EPS8: variants seen among roughly 807,000 people sequenced by gnomAD.
The protein encoded by EPS8 is epidermal growth factor receptor kinase substrate 8.
A neutral mutation model predicts 103.8 loss-of-function variants in EPS8; 42 were observed. That is an observed-to-expected ratio of 0.40 (90% CI 0.32 to 0.52). The LOEUF is 0.52. EPS8 is among the 20% of genes least tolerant of loss of function. The pLI is 0.40. For synonymous variants in EPS8, 344 were observed against 344.6 expected (o/e 1.00, Z 0.02); for missense variants, 969 against 1,005.1 (o/e 0.96, Z 0.49).
chr12:15,699,427 G>C (rs1021379399), intron 1 of EPS8, among the ~76,000 whole-genome samples: 3 of 152,132 alleles, frequency 2.0e-5, no homozygotes, highest in Non-Finnish European at 2.9e-5. Flanking sequence ...ATATGCAAAA[G>C]CACACACAGA....
At chr12:15,625,877 G>T (rs994093988) in intron 18 of EPS8, among the ~76,000 whole-genome samples, 1 of 152,104 alleles carries the variant, frequency 6.6e-6, no homozygotes, top group African/African-American at 2.4e-5. Flanking sequence ...AAAGATGATG[G>T]TTACCAAATT....
intron 17 of EPS8, among the ~76,000 whole-genome samples, chr12:15,631,925 A>T (rs1157306691): frequency 6.6e-6 from 1 of 152,208 alleles, no homozygotes; most frequent in African/African-American, 2.4e-5. Context: ...ATAGTAATAA[A>T]TGTCAAGAAA....
chr12:15,643,998 G>GA (rs1272435148), intron 15 of EPS8, among the ~76,000 whole-genome samples: 1 of 152,212 alleles, frequency 6.6e-6, no homozygotes, highest in Non-Finnish European at 1.5e-5. Context: ...ACAGAACAGT[G>GA]AATATACTTC....
chr12:15,736,407 T>C lies in EPS8; in HGVS notation c.-22+52754A>G, dbSNP rs573073836. Among the ~76,000 whole-genome samples the C allele has an allele frequency of 2.0e-4, 30 of 152,218 alleles. No individual in the cohort carries two copies. Among genetic ancestry groups the C allele is most frequent in the African/African-American group, 7.2e-4 (30 of 41,542 alleles). ...GTACAGAGGTTAATATAATAAAAAA[T>C]CACTTGCCTGGAGGCCACACATATA... is the stretch of plus-strand genomic sequence containing the variant. On this transcript the variant is annotated intron_variant, in intron 1 of 20. Transcript: ENST00000281172. The surrounding 1 kb of genome is among the most constrained non-coding windows in gnomAD (Gnocchi z 4.2).
intron 1 of EPS8, among the ~76,000 whole-genome samples, chr12:15,732,554 C>T (rs914087389): frequency 1.3e-5 from 2 of 152,172 alleles, no homozygotes; most frequent in Admixed American, 6.5e-5. Flanking sequence ...CTATGAAGCC[C>T]GGCCTATCTG....
At chr12:15,715,939 A>C (rs2135968211) in intron 1 of EPS8, among the ~76,000 whole-genome samples, 1 of 152,278 alleles carries the variant, frequency 6.6e-6, no homozygotes, top group South Asian at 2.1e-4. Context: ...AGAGGATAAT[A>C]ATATTAAGTC....
At chr12:15,677,986 A>G (rs534654558) in intron 3 of EPS8, among the ~76,000 whole-genome samples, 4 of 152,166 alleles carry the variant, frequency 2.6e-5, no homozygotes, top group Non-Finnish European at 5.9e-5. Flanking sequence ...CCTTACCTTT[A>G]CACCAAATCA....
At position 15,620,794 on chromosome 12, in the gene EPS8, ATT is replaced by A. The variant is rs376149089; in HGVS notation, c.*521_*522del. The A allele has an allele frequency of 1.3e-5, 2 of 151,984 alleles. No homozygotes were observed. Among genetic ancestry groups the A allele is most frequent in the Non-Finnish European group, 2.9e-5 (2 of 68,022 alleles). 9.4% of individuals were successfully genotyped at this position (151,984 alleles called of 1,614,324 possible). ...CTTTACAGTTCATTCAAATGTTTTA[ATT>A]TTTTTTTAAACTGTTGGCATTAAGA... On this transcript the variant is annotated 3_prime_UTR_variant, in exon 21 of 21. Coordinates refer to ENST00000281172, the MANE Select transcript of EPS8 (RefSeq NM_004447.6).
intron 4 of EPS8, 133 bp downstream of exon 4, chr12:15,670,723 A>T: frequency 1.7e-6 from 1 of 574,592 alleles, no homozygotes; most frequent in Non-Finnish European, 3.0e-6. Flanking sequence ...TGTTTTAAAA[A>T]ATCTAAACAA....
chr12:15,773,339 T>C (rs757829393), intron 1 of EPS8, among the ~76,000 whole-genome samples: 2 of 152,200 alleles, frequency 1.3e-5, no homozygotes, highest in Non-Finnish European at 2.9e-5. Context: ...TCTTTTACTA[T>C]GCTCTGGTTT....
At position 15,736,894 on chromosome 12, in the gene EPS8, G is replaced by A. The variant is rs1047692774; in HGVS notation, c.-22+52267C>T. 6.6e-6 allele frequency among the ~76,000 whole-genome samples: 1 copy of A among 152,082 alleles called. No individual in the cohort carries two copies. Among genetic ancestry groups the A allele is most frequent in the Non-Finnish European group, 1.5e-5 (1 of 68,000 alleles). ...ATTATGCTTATGAAGGATGGGATGT[G>A]CTCAATGCTTATAAGAAAAATTATC... On this transcript the variant is annotated intron_variant, in intron 1 of 20. Coordinates refer to ENST00000281172, the MANE Select transcript of EPS8 (RefSeq NM_004447.6). The surrounding 1 kb of genome is among the most constrained non-coding windows in gnomAD (Gnocchi z 4.2).
Position 15,728,892 on chromosome 12 carries a change from T to C in EPS8, c.-21-45920A>G, listed in dbSNP as rs999423767. On this transcript the variant is annotated intron_variant, in intron 1 of 20. Transcript: ENST00000281172. The surrounding 1 kb of genome is among the most constrained non-coding windows in gnomAD (Gnocchi z 4.5). Reference sequence around the variant, plus strand: ...CAAGCCACAGACTAGCAGAAAATATTTGTAAATCCATCTTTTTTAAAAACA... The same window carrying C: ...CAAGCCACAGACTAGCAGAAAATATCTGTAAATCCATCTTTTTTAAAAACA... Among the ~76,000 whole-genome samples the C allele has an allele frequency of 1.3e-5, 2 of 152,202 alleles. No individual in the cohort carries two copies. Among genetic ancestry groups the C allele is most frequent in the Non-Finnish European group, 2.9e-5 (2 of 68,038 alleles).
rs1947131897 is a variant in EPS8 at position 15,769,613 on chromosome 12, A to C, written c.-22+19548T>G. On this transcript the variant is annotated intron_variant, in intron 1 of 20. Coordinates refer to ENST00000281172, the MANE Select transcript of EPS8 (RefSeq NM_004447.6). This position sits in a 1 kb window ranked among gnomAD's most constrained non-coding sequence, Gnocchi z 4.6. ...AGATGTTAAGATATAAGATGTATTT[A>C]TGATTTAAAATAATCTCTATATAAT... 6.6e-6 allele frequency among the ~76,000 whole-genome samples: 1 copy of C among 152,230 alleles called. No homozygotes were observed.
At chr12:15,629,383 C>T (rs936364595) in intron 18 of EPS8, among the ~76,000 whole-genome samples, 1 of 152,092 alleles carries the variant, frequency 6.6e-6, no homozygotes, top group African/African-American at 2.4e-5. Context: ...ACTGTGCTGA[C>T]GTCTCTACGG....
At position 15,776,390 on chromosome 12, in the gene EPS8, C is replaced by T. The variant is rs1222575493; in HGVS notation, c.-22+12771G>A. 2.6e-5 allele frequency among the ~76,000 whole-genome samples: 4 copies of T among 152,130 alleles called. No homozygotes were observed. The highest frequency in any genetic ancestry group is 6.5e-5 in the Admixed American group (1 of 15,270). Reference sequence around the variant, plus strand: ...TACTCTTTTGGAAGAGAGAAAAAAACAGCTGGCTTAGGTGAGTGACCTACT... The same window carrying T: ...TACTCTTTTGGAAGAGAGAAAAAAATAGCTGGCTTAGGTGAGTGACCTACT... On this transcript the variant is annotated intron_variant, in intron 1 of 20. Coordinates refer to ENST00000281172, the MANE Select transcript of EPS8 (RefSeq NM_004447.6). The surrounding 1 kb of genome is among the most constrained non-coding windows in gnomAD (Gnocchi z 4.2).
intron 1 of EPS8, among the ~76,000 whole-genome samples, chr12:15,707,767 G>C (rs958573253): frequency 4.5e-4 from 69 of 152,196 alleles, no homozygotes; most frequent in African/African-American, 1.6e-3. Flanking sequence ...GTACCACAGA[G>C]TTACAAGTCC....
intron 3 of EPS8, among the ~76,000 whole-genome samples, chr12:15,677,939 C>T (rs979619946): frequency 2.0e-5 from 3 of 152,170 alleles, no homozygotes; most frequent in Non-Finnish European, 2.9e-5. Flanking sequence ...TGTGTGTGCA[C>T]ATTAGCTTAT....
intron 1 of EPS8, among the ~76,000 whole-genome samples, chr12:15,711,257 C>T (rs1472046035): frequency 6.6e-6 from 1 of 151,972 alleles, no homozygotes; most frequent in Non-Finnish European, 1.5e-5. Flanking sequence ...CTCCAAGGTT[C>T]ATACCTACCT....
rs1358593897 is a variant in EPS8, at chr12:15,655,645, C to CA, written c.1102-1353_1102-1352insT. 5.9e-5 allele frequency among the ~76,000 whole-genome samples: 9 copies of CA among 151,996 alleles called. No individual in the cohort carries two copies. In the East Asian group the frequency reaches 1.7e-3, roughly 29 times the overall value. On this transcript the variant is annotated intron_variant, in intron 12 of 20. Coordinates refer to ENST00000281172, the MANE Select transcript of EPS8 (RefSeq NM_004447.6). ...GTAGCAATAAGAGGGAAAAGTAAAA[C>CA]TAAAGAAAATGAGTAGAGGAATATA...
Sources: allele counts gnomAD v4.1 joint callset (sites outside exome capture counted in the v4.1 genomes callset), GRCh38; gene constraint gnomAD v4.1.1; non-coding constraint Gnocchi (gnomAD v3.1); transcripts MANE v1.5; gene names NCBI Gene and HGNC (gene_info 2026-07-23, HGNC 2026-07-21).